YEATS4: variants seen among roughly 807,000 people sequenced by gnomAD.
YEATS4 encodes YEATS domain containing 4, also known as YEATS domain-containing protein 4.
YEATS4 carries 17 observed loss-of-function variants against 30.1 expected under a neutral mutation model. The ratio of observed to expected loss-of-function variants is 0.56; its 90% CI spans 0.39 to 0.85. YEATS4 has a LOEUF of 0.85. Among genes scored for constraint, YEATS4 ranks in the 40% least tolerant of loss-of-function variants. The pLI is 0.00. For missense variants in YEATS4, 142 were observed against 268.3 expected (o/e 0.53, Z 3.29); for synonymous variants, 85 against 87.5 (o/e 0.97, Z 0.16).
rs1868302923 is a variant in YEATS4 at position 69,390,337 on chromosome 12, G to GT, written c.*22dup. Reference sequence around the variant, plus strand: ...TATAAACAGTTCTCATGAGAACTTGGTAGTAAGCTAAACTGAAAATAAGGT... The same window carrying GT: ...TATAAACAGTTCTCATGAGAACTTGGTTAGTAAGCTAAACTGAAAATAAGGT... On this transcript the variant is annotated 3_prime_UTR_variant, in exon 7 of 7. Transcript: ENST00000247843. 6.5e-7 allele frequency: 1 copy of GT among 1,535,100 alleles called. No homozygotes were observed. Among genetic ancestry groups the GT allele is most frequent in the South Asian group, 1.3e-5 (1 of 77,598 alleles).
chr12:69,372,813 T>C (rs1348316511), intron 6 of YEATS4, among the ~76,000 whole-genome samples: 2 of 152,088 alleles, frequency 1.3e-5, no homozygotes, highest in Middle Eastern at 3.2e-3. Context: ...GCTAGGATTA[T>C]AGGCATGAGC....
intron 4 of YEATS4, among the ~76,000 whole-genome samples, chr12:69,366,601 T>C (rs959965385): frequency 2.6e-5 from 4 of 152,190 alleles, no homozygotes; most frequent in Non-Finnish European, 5.9e-5. Context: ...AGGCCTTTTT[T>C]TTTCTTAAGC....
In YEATS4 at chr12:69,379,619, T is replaced by C. The variant is rs527244678; in HGVS notation, c.514+8644T>C. Reference sequence around the variant, plus strand: ...TTTTTTTTTTTTTTTTTTTTTTTTTTTGGTGGAGATGGGGTTTTGCCATGT... The same window carrying C: ...TTTTTTTTTTTTTTTTTTTTTTTTTCTGGTGGAGATGGGGTTTTGCCATGT... On this transcript the variant is annotated intron_variant, in intron 6 of 6. Transcript: ENST00000247843. Among the ~76,000 whole-genome samples the C allele has an allele frequency of 8.6e-3, 639 of 74,332 alleles. 8 individuals carry two copies. The highest frequency in any genetic ancestry group is 0.012 in the Non-Finnish European group (474 of 38,324). The allele number at this position is 74,332 out of a possible 152,430, so 48.8% of individuals were successfully genotyped here. A position where few individuals can be genotyped will look rare whatever the true frequency, so the allele number is the denominator to read the frequency against.
At chr12:69,376,164 C>G (rs1875865631) in intron 6 of YEATS4, among the ~76,000 whole-genome samples, 1 of 152,022 alleles carries the variant, frequency 6.6e-6, no homozygotes, top group Non-Finnish European at 1.5e-5. Context: ...GTCAGGAGTT[C>G]AAGACCAGCC....
chr12:69,365,712 CTT>C lies in YEATS4; in HGVS notation c.238+16_238+17del. The C allele has an allele frequency of 6.2e-7, 1 of 1,607,386 alleles. No individual in the cohort carries two copies. The highest frequency in any genetic ancestry group is 8.5e-7 in the Non-Finnish European group (1 of 1,176,272). On this transcript the variant is annotated intron_variant, in intron 3 of 6. Coordinates refer to ENST00000247843, the MANE Select transcript of YEATS4 (RefSeq NM_006530.4). ...AATCCTTTAAGAGGTACAATATAGT[CTT>C]TTGATTCACAATATCCAAAGTTAAA...
At chr12:69,421,413 C>G in the YEATS4 span, among the ~76,000 whole-genome samples, 1 of 152,052 alleles carries the variant, frequency 6.6e-6, no homozygotes, top group Non-Finnish European at 1.5e-5. Context: ...TATTTGTCAG[C>G]TATTAAAATT....
At chr12:69,368,960 G>C (rs1342389195) in intron 4 of YEATS4, among the ~76,000 whole-genome samples, 1 of 152,104 alleles carries the variant, frequency 6.6e-6, no homozygotes, top group African/African-American at 2.4e-5. Context: ...CGTATCTTTT[G>C]CCTGCATTTA....
the YEATS4 span, among the ~76,000 whole-genome samples, chr12:69,413,503 C>A: frequency 8.2e-6 from 1 of 121,358 alleles, no homozygotes. Flanking sequence ...GCAGTGGGGT[C>A]TTCAACGCCC....
At chr12:69,369,438 A>G (rs961705810) in intron 4 of YEATS4, among the ~76,000 whole-genome samples, 5 of 152,200 alleles carry the variant, frequency 3.3e-5, no homozygotes, top group African/African-American at 9.7e-5. Context: ...AATTCTAGGC[A>G]CTAAAGGTAG....
At chr12:69,425,214 C>T in the YEATS4 span, among the ~76,000 whole-genome samples, 5,040 of 152,220 alleles carry the variant, frequency 0.033, 294 homozygotes, top group African/African-American at 0.12. Flanking sequence ...TGAGCCAGCG[C>T]GCCCAGCCGG....
At chr12:69,369,171 A>G (rs1267315922) in intron 4 of YEATS4, among the ~76,000 whole-genome samples, 1 of 152,064 alleles carries the variant, frequency 6.6e-6, no homozygotes, top group Non-Finnish European at 1.5e-5. Flanking sequence ...CCTGTTCTCA[A>G]TTCCTCTAGA....
At chr12:69,395,925 C>G in the YEATS4 span, among the ~76,000 whole-genome samples, 2 of 152,130 alleles carry the variant, frequency 1.3e-5, no homozygotes. Flanking sequence ...ATCTCCTGCC[C>G]CAGCCTGGAC....
At chr12:69,396,299 C>T in the YEATS4 span, among the ~76,000 whole-genome samples, 1 of 152,212 alleles carries the variant, frequency 6.6e-6, no homozygotes, top group East Asian at 1.9e-4. Flanking sequence ...TTAATTCCCT[C>T]ATTTGATAAG....
chr12:69,368,392 A>G (rs1875520013), intron 4 of YEATS4, among the ~76,000 whole-genome samples: 1 of 152,218 alleles, frequency 6.6e-6, no homozygotes, highest in Non-Finnish European at 1.5e-5. Flanking sequence ...AGAATTTTCA[A>G]ACACCACTCA....
At chr12:69,371,798 A>C (rs995896876) in intron 6 of YEATS4, among the ~76,000 whole-genome samples, 4 of 152,194 alleles carry the variant, frequency 2.6e-5, no homozygotes, top group African/African-American at 9.7e-5. Context: ...TGCTATAGAG[A>C]CAAACAAAGT....
rs138732059 is a variant in YEATS4, at chr12:69,362,578, AT to A, written c.52-206del. Among the ~76,000 whole-genome samples the A allele has an allele frequency of 5.0e-4, 76 of 152,326 alleles. 1 individual carries two copies. The East Asian group carries it at 0.014, about 28-fold the overall frequency. The stretch of plus-strand genomic sequence containing the variant: ...TTTACATGGTAATTTAAATAAAAGC[AT>A]TTTCAAAGAGGGAACATTGTAATTA... On this transcript the variant is annotated intron_variant, in intron 1 of 6. Transcript: ENST00000247843.
downstream of YEATS4, among the ~76,000 whole-genome samples, chr12:69,391,749 A>T (rs571448048): frequency 1.3e-5 from 2 of 152,180 alleles, no homozygotes; most frequent in Non-Finnish European, 2.9e-5. Context: ...TCATGATAAG[A>T]TTTCCCAAGT....
the YEATS4 span, among the ~76,000 whole-genome samples, chr12:69,406,410 C>G: frequency 2.0e-5 from 3 of 152,142 alleles, no homozygotes; most frequent in African/African-American, 7.2e-5. Context: ...TCACTGCAGC[C>G]TCCACCCCCT....
chr12:69,392,271 A>G (rs532282554), downstream of YEATS4, among the ~76,000 whole-genome samples: 2 of 152,352 alleles, frequency 1.3e-5, no homozygotes, highest in Admixed American at 1.3e-4. Flanking sequence ...TGGAACCCTC[A>G]TATATTGCTG....
Sources: gnomAD v4.1 joint callset for allele counts (sites outside exome capture counted in the v4.1 genomes callset) on GRCh38, gnomAD v4.1.1 for gene constraint, MANE v1.5 for transcripts, NCBI Gene and HGNC (gene_info 2026-07-23, HGNC 2026-07-21) for gene names.